The following AHNAK variants were observed in gnomAD, a reference collection of about 807,000 sequenced individuals.
AHNAK encodes neuroblast differentiation-associated protein AHNAK.
In AHNAK, 23 loss-of-function variants were observed where a neutral mutation model predicts 37.8. The ratio of observed to expected loss-of-function variants is 0.61; its 90% CI spans 0.44 to 0.86. The LOEUF is 0.86. Ranked by LOEUF, AHNAK falls within the 40% of genes least tolerant of loss-of-function variation. The probability of loss-of-function intolerance (pLI) is 0.00; values close to 1 mark genes in which losing one functional copy is unlikely to be tolerated. For missense variants in AHNAK, 7,411 were observed against 7,319.4 expected, an observed-to-expected ratio of 1.01 and a Z score of -0.46; for synonymous variants, 2,481 against 2,636.3, an observed-to-expected ratio of 0.94 and a Z score of 1.80.
intron 5 of AHNAK, among the ~76,000 whole-genome samples, chr11:62,434,772 A>T (rs1382547520): frequency 6.6e-6 from 1 of 152,030 alleles, no homozygotes; most frequent in East Asian, 1.9e-4. Flanking sequence ...TACTAAAAAG[A>T]AATACAAAAA....
Position 62,525,856 on chromosome 11 carries a change from T to C in AHNAK, c.8561A>G (p.Asp2854Gly). Residue 2854 changes from aspartate to glycine, a missense_variant, in exon 5 of 5, where the codon GAT becomes GGT. Physicochemically the swap from Asp to Gly is moderately conservative, Grantham distance 94 (BLOSUM62 -1). Transcript: ENST00000378024. ...LTGPKIKGDVDVTGPKVEGDL... is the reference protein window; with the variant it reads ...LTGPKIKGDVGVTGPKVEGDL... ...TCCCTCTACCTTAGGGCCTGTAACA[T>C]CCACATCTCCTTTTATTTTTGGACC... 6.2e-7 allele frequency: 1 copy of C among 1,614,176 alleles called. No homozygotes were observed. The highest frequency in any genetic ancestry group is 1.1e-5 in the South Asian group (1 of 91,078).
intron 5 of AHNAK, among the ~76,000 whole-genome samples, chr11:62,487,224 C>T (rs1229751377): frequency 6.6e-6 from 1 of 152,204 alleles, no homozygotes; most frequent in African/African-American, 2.4e-5. Context: ...ATAAACGCTG[C>T]CCAGGCAATA....
rs145197071 is a variant in AHNAK at position 62,525,556 on chromosome 11, G to A, written c.8861C>T (p.Pro2954Leu). The change falls in exon 5 of 5, where the codon CCA (proline) becomes CTA (leucine). Residue 2954 changes from proline (P) to leucine (L), a missense_variant. Coordinates refer to ENST00000378024, the MANE Select transcript of AHNAK (RefSeq NM_001620.3). ...GKLKGPKFKM[P>L]EMNIKAPKIP... ...CTTGGGGGCTTTGATATTCATCTCT[G>A]GCATCTTGAACTTGGGCCCTTTCAA... 6.2e-7 allele frequency: 1 copy of A among 1,613,828 alleles called. No homozygotes were observed. Among genetic ancestry groups the A allele is most frequent in the Non-Finnish European group, 8.5e-7 (1 of 1,179,980 alleles).
chr11:62,534,898 G>C, intron 4 of AHNAK, 105 bp downstream of exon 4: 2 of 1,235,894 alleles, frequency 1.6e-6, no homozygotes. Context: ...AGAAGAAGGA[G>C]CAAAAAGAGA....
intron 4 of AHNAK, among the ~76,000 whole-genome samples, chr11:62,500,382 A>G (rs1362628591): frequency 6.6e-6 from 1 of 152,202 alleles, no homozygotes; most frequent in East Asian, 1.9e-4. Flanking sequence ...CAGCCTAGCC[A>G]GCTTCCCAGC....
intron 1 of AHNAK, among the ~76,000 whole-genome samples, chr11:62,542,589 G>A (rs1941164038): frequency 6.6e-6 from 1 of 152,140 alleles, no homozygotes; most frequent in African/African-American, 2.4e-5. Flanking sequence ...CCCATCCCAT[G>A]CTACAGTGAG....
At chr11:62,512,329 G>A (rs546912587), downstream of AHNAK, among the ~76,000 whole-genome samples, 13 of 152,272 alleles carry the variant, frequency 8.5e-5, 1 homozygote, top group South Asian at 8.3e-4. The surrounding 1 kb of genome is among the most constrained non-coding windows in gnomAD (Gnocchi z 4.0). Flanking sequence ...GCAGATGCTG[G>A]TCCTCTATGG....
At position 62,521,471 on chromosome 11, in the gene AHNAK, T is replaced by C. The variant is rs143316443; in HGVS notation, c.12946A>G (p.Met4316Val). Reference sequence around the variant, plus strand: ...AATTTGGGCATTTTCACCTTGGGCATCTTCAGGTGCCAGTCTGGGCCATGA... The same window carrying C: ...AATTTGGGCATTTTCACCTTGGGCACCTTCAGGTGCCAGTCTGGGCCATGA... ...DVHGPDWHLK[M>V]PKVKMPKFSM... The change falls in exon 5 of 5, where the codon ATG becomes GTG. Residue 4316 changes from methionine to valine, a missense_variant. Physicochemically the swap from Met to Val is conservative, Grantham distance 21. Coordinates refer to ENST00000378024, the MANE Select transcript of AHNAK (RefSeq NM_001620.3). 3 of 1,612,012 alleles carry C rather than the reference T, an allele frequency of 1.9e-6. No individual in the cohort carries two copies. The highest frequency in any genetic ancestry group is 2.7e-5 in the African/African-American group (2 of 74,110).
intron 5 of AHNAK, among the ~76,000 whole-genome samples, chr11:62,467,031 A>G (rs1938925751): frequency 6.6e-6 from 1 of 152,106 alleles, no homozygotes; most frequent in Non-Finnish European, 1.5e-5. Context: ...GCTTATTTCA[A>G]TACATTTAAA....
intron 5 of AHNAK, among the ~76,000 whole-genome samples, chr11:62,486,179 A>G (rs1939389295): frequency 6.6e-6 from 1 of 152,126 alleles, no homozygotes; most frequent in Admixed American, 6.5e-5. Context: ...AAATTCATAC[A>G]GTCAGAAAGT....
intron 5 of AHNAK, among the ~76,000 whole-genome samples, chr11:62,444,074 G>A (rs1938371662): frequency 6.6e-6 from 1 of 152,182 alleles, no homozygotes; most frequent in Admixed American, 6.5e-5. Context: ...GCACAGAGCG[G>A]CCTCTTGGCT....
intron 5 of AHNAK, among the ~76,000 whole-genome samples, chr11:62,434,462 C>T (rs945124350): frequency 6.6e-6 from 1 of 152,100 alleles, no homozygotes; most frequent in Non-Finnish European, 1.5e-5. Flanking sequence ...GCCTCCTCCC[C>T]GAGTCACACC....
In AHNAK at chr11:62,517,213, G is replaced by C. The variant is rs1402720994; in HGVS notation, c.17204C>G (p.Ser5735Ter). 2 of 1,614,146 alleles carry C rather than the reference G, an allele frequency of 1.2e-6. No individual in the cohort carries two copies. The highest frequency in any genetic ancestry group is 1.7e-6 in the Non-Finnish European group (2 of 1,180,050). The change falls in exon 5 of 5, where the codon TCA becomes TGA. Residue 5735 changes from serine (S) to a stop codon, truncating the protein, a stop_gained. Coordinates refer to ENST00000378024, the MANE Select transcript of AHNAK (RefSeq NM_001620.3). LOFTEE classifies it high-confidence loss of function. ...KGGVTGSPEA[S>*]ISGSKGDLKS... ...CAGGTCACCTTTGGACCCAGAAATT[G>C]ATGCTTCTGGTGAGCCAGTGACACC... is the stretch of plus-strand genomic sequence containing the variant.
chr11:62,525,707 T>G lies in AHNAK; in HGVS notation c.8710A>C (p.Met2904Leu). The G allele has an allele frequency of 6.2e-7, 1 of 1,613,674 alleles. No homozygotes were observed. The highest frequency in any genetic ancestry group is 8.5e-7 in the Non-Finnish European group (1 of 1,179,964). ...MPKMKMPKFS[M>L]PGFKAEGPEV... is the part of the protein sequence containing the mutation. ...GGGCCCTCTGCTTTGAAGCCAGGCATGCTGAACTTGGGCATTTTCATCTTG... is the reference window on the plus strand; with the variant it reads ...GGGCCCTCTGCTTTGAAGCCAGGCAGGCTGAACTTGGGCATTTTCATCTTG... The change falls in exon 5 of 5, where the codon ATG becomes CTG. Residue 2904 changes from methionine (M) to leucine (L), a missense_variant. By Grantham distance (15) the Met-to-Leu change is conservative (BLOSUM62 2). Transcript: ENST00000378024.
chr11:62,439,689 A>C (rs1299834886), intron 5 of AHNAK, among the ~76,000 whole-genome samples: 1 of 100,316 alleles, frequency 1.0e-5, no homozygotes, highest in African/African-American at 3.8e-5. Flanking sequence ...TTTTTTTGAG[A>C]TGGAGTCTCA....
Position 62,436,812 on chromosome 11 carries a change from G to A in AHNAK, c.443-2921C>T, listed in dbSNP as rs185952273. Among the ~76,000 whole-genome samples the A allele has an allele frequency of 5.0e-4, 76 of 151,982 alleles. 1 individual carries two copies. The highest frequency in any genetic ancestry group is 2.6e-3 in the Admixed American group (39 of 15,250). On this transcript the variant is annotated intron_variant, in intron 5 of 5. Coordinates refer to the AHNAK transcript ENST00000257247. ...AAATTAGCCGGGCATGGTGGCGGGC[G>A]CCTGTAGTCCCAGCTACTCGGGAAA... is the stretch of plus-strand genomic sequence containing the variant.
At chr11:62,481,404 GC>G (rs1231901273) in intron 5 of AHNAK, among the ~76,000 whole-genome samples, 2 of 151,714 alleles carry the variant, frequency 1.3e-5, no homozygotes, top group African/African-American at 4.8e-5. Context: ...ACTGTACCTG[GC>G]CTTGGGCTTC....
intron 5 of AHNAK, among the ~76,000 whole-genome samples, chr11:62,449,711 A>G (rs1938493384): frequency 6.6e-6 from 1 of 152,164 alleles, no homozygotes; most frequent in Admixed American, 6.5e-5. Context: ...CAAAAATAAC[A>G]ATGACTAACG....
chr11:62,509,939 TA>T (rs1939878959), intron 4 of AHNAK, among the ~76,000 whole-genome samples: 1 of 151,962 alleles, frequency 6.6e-6, no homozygotes, highest in South Asian at 2.1e-4. Context: ...AAAAAGACAT[TA>T]CTGTAAAGAC....
Sources: gnomAD v4.1 joint callset for allele counts (sites outside exome capture counted in the v4.1 genomes callset) on GRCh38, gnomAD v4.1.1 for gene constraint, Gnocchi (gnomAD v3.1) non-coding constraint, MANE v1.5 for transcripts, NCBI Gene and HGNC (gene_info 2026-07-23, HGNC 2026-07-21) for gene names.